The following PIEZO2 variants were observed in gnomAD, a reference collection of about 807,000 sequenced individuals.
PIEZO2 encodes the protein piezo-type mechanosensitive ion channel component 2.
Under a neutral mutation model 337.3 loss-of-function variants are expected in PIEZO2, and 172 were observed. The ratio of observed to expected loss-of-function variants is 0.51; its 90% CI spans 0.45 to 0.58. PIEZO2 has a LOEUF of 0.58. PIEZO2 is among the 20% of genes least tolerant of loss of function. PIEZO2 has a pLI of 0.00. For missense variants in PIEZO2, 3,028 were observed against 3,391.3 expected, an observed-to-expected ratio of 0.89 and a Z score of 2.66; for synonymous variants, 1,251 against 1,228.5, an observed-to-expected ratio of 1.02 and a Z score of -0.38.
chr18:10,938,442 C>T (rs918703695), intron 3 of PIEZO2, among the ~76,000 whole-genome samples: 7 of 152,140 alleles, frequency 4.6e-5, no homozygotes, highest in African/African-American at 7.2e-5. Flanking sequence ...GCCAAAAATC[C>T]GGAGCTAGAT....
chr18:10,769,152 A>C (rs2038488670), intron 21 of PIEZO2, among the ~76,000 whole-genome samples: 1 of 152,228 alleles, frequency 6.6e-6, no homozygotes, highest in Non-Finnish European at 1.5e-5. Flanking sequence ...TCACCTCTAC[A>C]GTTAAAATGC....
Position 10,807,146 on chromosome 18 carries a change from G to A in PIEZO2, c.1046C>T (p.Ala349Val). The change falls in exon 8 of 56, where the codon GCC becomes GTC. Residue 349 changes from alanine (A) to valine (V), a missense_variant. Transcript: ENST00000674853. ...TTGCAGCCAGATGCGGATCAGAGTG[G>A]CCAGAGTGTAGTACATCACCAGCAG... ...ILLLVMYYTL[A>V]TLIRIWLQEP... The A allele has an allele frequency of 6.5e-7, 1 of 1,537,176 alleles. No homozygotes were observed. Among genetic ancestry groups the A allele is most frequent in the Non-Finnish European group, 8.7e-7 (1 of 1,146,862 alleles).
intron 17 of PIEZO2, among the ~76,000 whole-genome samples, chr18:10,780,873 A>G (rs749826885): frequency 2.6e-5 from 4 of 151,682 alleles, no homozygotes; most frequent in Non-Finnish European, 5.9e-5. Context: ...ATGTTGGCTT[A>G]GTTGGTCTCA....
Position 10,673,023 on chromosome 18 carries a change from G to T in PIEZO2, c.8162-150C>A. On this transcript the variant is annotated intron_variant, in intron 54 of 55. Coordinates refer to ENST00000674853, the MANE Select transcript of PIEZO2 (RefSeq NM_001378183.1). This position sits in a 1 kb window ranked among gnomAD's most constrained non-coding sequence, Gnocchi z 4.8. ...GCATGGACATACTAGAAGCGTGAAT[G>T]GGCAAGGAAGAGAGGGCCCTGGGTA... The T allele has an allele frequency of 1.5e-6, 1 of 645,932 alleles. No individual in the cohort carries two copies. The highest frequency in any genetic ancestry group is 2.6e-6 in the Non-Finnish European group (1 of 388,648). The allele number at this position is 645,932 out of a possible 1,614,324, so 40.0% of individuals were successfully genotyped here.
intron 36 of PIEZO2, among the ~76,000 whole-genome samples, chr18:10,718,473 C>T (rs2036106621): frequency 6.6e-6 from 1 of 152,230 alleles, no homozygotes; most frequent in Non-Finnish European, 1.5e-5. Context: ...GTGTAAACTA[C>T]ATTCGCTGGT....
At chr18:11,044,712 T>C (rs2037241372) in intron 2 of PIEZO2, among the ~76,000 whole-genome samples, 2 of 152,336 alleles carry the variant, frequency 1.3e-5, no homozygotes, top group East Asian at 3.9e-4. Context: ...GTTATGTCTA[T>C]AGCATTGCTA....
chr18:10,991,419 C>A (rs971081767), intron 2 of PIEZO2, among the ~76,000 whole-genome samples: 2 of 145,002 alleles, frequency 1.4e-5, no homozygotes, highest in Non-Finnish European at 3.0e-5. Context: ...TGTGATGTTC[C>A]CCTCCCTGTG....
At chr18:10,986,239 T>A (rs1048226702) in intron 2 of PIEZO2, among the ~76,000 whole-genome samples, 5 of 151,902 alleles carry the variant, frequency 3.3e-5, no homozygotes, top group African/African-American at 1.2e-4. Flanking sequence ...ATTCTATGAG[T>A]CCAGCATTGC....
At chr18:11,006,718 T>C (rs536530042) in intron 2 of PIEZO2, among the ~76,000 whole-genome samples, 2 of 152,140 alleles carry the variant, frequency 1.3e-5, no homozygotes, top group Non-Finnish European at 2.9e-5. Context: ...TCCCTCATGC[T>C]CTTCCTCTTC....
rs1268257706 is a variant in PIEZO2 at position 11,094,716 on chromosome 18, T to C, written c.65-28494A>G. On this transcript the variant is annotated intron_variant, in intron 1 of 55. Transcript: ENST00000674853. This position sits in a 1 kb window ranked among gnomAD's most constrained non-coding sequence, Gnocchi z 4.4. ...TACAGATTCTAACAGGAAAGAAAAA[T>C]GGGAGCTGGATGAAGAGCTGATTAT... Among the ~76,000 whole-genome samples the C allele has an allele frequency of 6.6e-6, 1 of 152,186 alleles. No homozygotes were observed. The highest frequency in any genetic ancestry group is 1.9e-4 in the East Asian group (1 of 5,200).
Position 11,018,191 on chromosome 18 carries a change from ATGG to A in PIEZO2, c.161-38534_161-38532del, listed in dbSNP as rs759749235. 3.9e-3 allele frequency among the ~76,000 whole-genome samples: 558 copies of A among 143,236 alleles called. 2 individuals carry two copies. The highest frequency in any genetic ancestry group is 5.0e-3 in the Non-Finnish European group (329 of 65,496). The allele number at this position is 143,236 out of a possible 152,430, so 94.0% of individuals were successfully genotyped here. A position where few individuals can be genotyped will look rare whatever the true frequency, so the allele number is the denominator to read the frequency against. ...CTCCGGTTCCTGCCTCAGTCATCGC[ATGG>A]TGGTGGTGGTGGTGGTGGTGGTGGT... On this transcript the variant is annotated intron_variant, in intron 2 of 55. Transcript: ENST00000674853.
At chr18:10,799,694 CG>C (rs1308252488) in intron 11 of PIEZO2, among the ~76,000 whole-genome samples, 4 of 152,114 alleles carry the variant, frequency 2.6e-5, no homozygotes, top group African/African-American at 9.7e-5. Context: ...AACACTCAGC[CG>C]GGTGCGGTGG....
intron 1 of PIEZO2, among the ~76,000 whole-genome samples, chr18:11,066,998 C>T (rs894053909): frequency 3.3e-5 from 5 of 151,980 alleles, no homozygotes; most frequent in African/African-American, 1.2e-4. Flanking sequence ...ATGGTCACCA[C>T]AAAGCAAAAA....
chr18:10,774,118 T>A (rs1468346678), intron 18 of PIEZO2, 80 bp from the exon 19 acceptor site: 8 of 695,990 alleles, frequency 1.1e-5, no homozygotes, highest in South Asian at 1.5e-5. Context: ...AGATCACATA[T>A]CATGCTACAT....
chr18:10,822,837 C>T (rs575492857), intron 7 of PIEZO2, among the ~76,000 whole-genome samples: 102 of 152,200 alleles, frequency 6.7e-4, no homozygotes, highest in Non-Finnish European at 1.3e-3. Flanking sequence ...AAGTCTGCTA[C>T]TGTGGATTAA....
intron 5 of PIEZO2, among the ~76,000 whole-genome samples, chr18:10,867,849 G>A (rs1012683780): frequency 6.6e-6 from 1 of 152,182 alleles, no homozygotes; most frequent in Non-Finnish European, 1.5e-5. Context: ...TCCCAGTTAT[G>A]ACTGATTTGT....
At chr18:11,065,929 G>T (rs1334536396) in intron 2 of PIEZO2, among the ~76,000 whole-genome samples, 198 bp downstream of exon 2, 1 of 152,148 alleles carries the variant, frequency 6.6e-6, no homozygotes, top group African/African-American at 2.4e-5. Flanking sequence ...CTGTGTAAGT[G>T]ACAAACATGC....
In PIEZO2 at chr18:11,143,345, T is replaced by C. The variant is rs1190450907; in HGVS notation, c.64+5180A>G. Among the ~76,000 whole-genome samples, 3 of 152,272 alleles carry C rather than the reference T, an allele frequency of 2.0e-5. No individual in the cohort carries two copies. Among genetic ancestry groups the C allele is most frequent in the Non-Finnish European group, 2.9e-5 (2 of 68,030 alleles). ...ATTATACACATCATTACTACATAAC[T>C]TCACATACAATTCACTGTTAGTAGC... On this transcript the variant is annotated intron_variant, in intron 1 of 55. Transcript: ENST00000674853. This position sits in a 1 kb window ranked among gnomAD's most constrained non-coding sequence, Gnocchi z 4.9.
At position 10,871,269 on chromosome 18, in the gene PIEZO2, A is replaced by C. The variant is rs907913792; in HGVS notation, c.476T>G (p.Phe159Cys). 17 of 1,535,646 alleles carry C rather than the reference A, an allele frequency of 1.1e-5. No homozygotes were observed. Among genetic ancestry groups the C allele is most frequent in the Non-Finnish European group, 1.4e-5 (16 of 1,146,540 alleles). Reference protein sequence around the residue: ...TDEAAQSNPEFENEELAEGEK... With the variant: ...TDEAAQSNPECENEELAEGEK... ...TGGATTTACCAATTCTTCATTTTCAAACTCCGGGTTACTCTGTGCTGCTTC... is the reference window on the plus strand; with the variant it reads ...TGGATTTACCAATTCTTCATTTTCACACTCCGGGTTACTCTGTGCTGCTTC... The change falls in exon 5 of 56, where the codon TTT becomes TGT. Residue 159 changes from phenylalanine (F) to cysteine (C), a missense_variant. By Grantham distance (205) the Phe-to-Cys change is radical (BLOSUM62 -2). Around this residue, in one of 5 missense-constraint regions of PIEZO2, gnomAD observed 542 missense variants for 605.6 expected, o/e 0.89. Transcript: ENST00000674853.
Sources: allele counts gnomAD v4.1 joint callset (sites outside exome capture counted in the v4.1 genomes callset), GRCh38; gene constraint gnomAD v4.1.1; regional missense constraint gnomAD v4.1.1; non-coding constraint Gnocchi (gnomAD v3.1); transcripts MANE v1.5; gene names NCBI Gene and HGNC (gene_info 2026-07-23, HGNC 2026-07-21).